Variants in LRRC4C observed in about 807,000 individuals in gnomAD.
LRRC4C encodes leucine rich repeat containing 4C, also known as leucine-rich repeat-containing protein 4C.
A neutral mutation model predicts 33.6 loss-of-function variants in LRRC4C; 5 were observed. The ratio of observed to expected loss-of-function variants is 0.15; its 90% CI spans 0.08 to 0.31. The LOEUF is 0.31. LRRC4C is among the 10% of genes least tolerant of loss of function. The probability of loss-of-function intolerance (pLI) is 1.00; values close to 1 mark genes in which losing one functional copy is unlikely to be tolerated. For missense variants in LRRC4C, 560 were observed against 796.7 expected (o/e 0.70, Z 3.58); for synonymous variants, 329 against 302.0 (o/e 1.09, Z -0.93).
At chr11:40,650,597 C>A (rs1029269473) in intron 2 of LRRC4C, among the ~76,000 whole-genome samples, 1 of 152,048 alleles carries the variant, frequency 6.6e-6, no homozygotes, top group African/African-American at 2.4e-5. Flanking sequence ...ATTGTCAAAC[C>A]CAAATTGTTG....
chr11:41,387,196 G>A (rs1953395177), intron 1 of LRRC4C, among the ~76,000 whole-genome samples: 1 of 125,254 alleles, frequency 8.0e-6, no homozygotes, highest in Admixed American at 8.9e-5. Flanking sequence ...GCAATGAGGA[G>A]ATGATAACTT....
At chr11:41,113,826 A>T (rs1230556609) in intron 1 of LRRC4C, among the ~76,000 whole-genome samples, 1 of 151,958 alleles carries the variant, frequency 6.6e-6, no homozygotes, top group East Asian at 1.9e-4. Context: ...TTTCATGATT[A>T]TCTGTTGGAA....
intron 1 of LRRC4C, among the ~76,000 whole-genome samples, chr11:40,987,327 A>G (rs1853087675): frequency 6.6e-6 from 1 of 152,144 alleles, no homozygotes; most frequent in South Asian, 2.1e-4. Context: ...AAGCAGCTGT[A>G]TTCCTGTTTT....
chr11:40,140,165 G>C (rs184124121), intron 6 of LRRC4C, among the ~76,000 whole-genome samples: 70 of 152,282 alleles, frequency 4.6e-4, no homozygotes, highest in African/African-American at 1.6e-3. Flanking sequence ...TGCCAAGTAG[G>C]TAAGATTAGA....
At chr11:40,343,193 T>A (rs1946952698) in intron 3 of LRRC4C, among the ~76,000 whole-genome samples, 1 of 152,138 alleles carries the variant, frequency 6.6e-6, no homozygotes, top group South Asian at 2.1e-4. Flanking sequence ...TACTTTGACA[T>A]GTTTGCTAAG....
At chr11:40,816,453 G>A (rs908894364) in intron 2 of LRRC4C, among the ~76,000 whole-genome samples, 1 of 152,182 alleles carries the variant, frequency 6.6e-6, no homozygotes, top group African/African-American at 2.4e-5. Context: ...TCTGCCTGAA[G>A]TTTGTCTTTT....
chr11:41,090,275 C>T (rs1940315657), intron 1 of LRRC4C, among the ~76,000 whole-genome samples: 1 of 151,998 alleles, frequency 6.6e-6, no homozygotes, highest in African/African-American at 2.4e-5. Context: ...TAATGAACAA[C>T]ATCTGGAAAA....
At chr11:40,407,492 T>G (rs1450040541) in intron 3 of LRRC4C, among the ~76,000 whole-genome samples, 7 of 152,132 alleles carry the variant, frequency 4.6e-5, no homozygotes. Flanking sequence ...GAAATCTCCC[T>G]GAAAGTCATC....
chr11:40,738,551 TG>T, intron 2 of LRRC4C, among the ~76,000 whole-genome samples: 1 of 152,212 alleles, frequency 6.6e-6, no homozygotes, highest in Non-Finnish European at 1.5e-5. Flanking sequence ...ATCAACTATA[TG>T]CAAATAATAT....
At chr11:40,225,768 C>G (rs924910465) in intron 5 of LRRC4C, among the ~76,000 whole-genome samples, 1 of 152,034 alleles carries the variant, frequency 6.6e-6, no homozygotes, top group South Asian at 2.1e-4. Context: ...AGGTGCCCAC[C>G]ACTACACCCG....
rs192695503 is a variant in LRRC4C at position 41,113,949 on chromosome 11, T to A, written c.-495-180226A>T. Among the ~76,000 whole-genome samples, 8 of 152,172 alleles carry A rather than the reference T, an allele frequency of 5.3e-5. No individual in the cohort carries two copies. In the East Asian group the frequency reaches 1.5e-3, roughly 29 times the overall value. Reference sequence around the variant, plus strand: ...GAGAACACAATATTTAAACATTAGATGAATCTAAATATAATCAGTGTTTAA... The same window carrying A: ...GAGAACACAATATTTAAACATTAGAAGAATCTAAATATAATCAGTGTTTAA... On this transcript the variant is annotated intron_variant, in intron 1 of 6. Coordinates refer to ENST00000528697, the MANE Select transcript of LRRC4C (RefSeq NM_001258419.2).
intron 2 of LRRC4C, among the ~76,000 whole-genome samples, chr11:40,756,174 T>G (rs1948935698): frequency 1.3e-5 from 2 of 152,078 alleles, no homozygotes; most frequent in African/African-American, 4.8e-5. Flanking sequence ...CTGCTGGAAC[T>G]CTGATCTTGG....
Position 41,146,687 on chromosome 11 carries a change from G to A in LRRC4C, c.-495-212964C>T, listed in dbSNP as rs143481280. Among the ~76,000 whole-genome samples the A allele has an allele frequency of 1.6e-3, 243 of 152,298 alleles. 1 individual carries two copies. Among genetic ancestry groups the A allele is most frequent in the African/African-American group, 5.6e-3 (232 of 41,568 alleles). ...CAAAAGAAAAATTTGTCCTTCTGAA[G>A]TGGAGGAGCCAGACATGAAAACAGA... On this transcript the variant is annotated intron_variant, in intron 1 of 6. Transcript: ENST00000528697.
At chr11:40,910,945 A>T (rs1242781200) in intron 2 of LRRC4C, among the ~76,000 whole-genome samples, 1 of 152,210 alleles carries the variant, frequency 6.6e-6, no homozygotes, top group Non-Finnish European at 1.5e-5. Context: ...AGCCTCACTC[A>T]TTGCTAGCAC....
chr11:40,442,909 T>C (rs1951459090), intron 3 of LRRC4C, among the ~76,000 whole-genome samples: 1 of 152,188 alleles, frequency 6.6e-6, no homozygotes, highest in Non-Finnish European at 1.5e-5. Flanking sequence ...AACTCCACTT[T>C]ACAGATGCAA....
chr11:41,231,911 A>G (rs1363919765), intron 1 of LRRC4C, among the ~76,000 whole-genome samples: 2 of 151,824 alleles, frequency 1.3e-5, no homozygotes, highest in Non-Finnish European at 2.9e-5. Context: ...TTCTTTGCCT[A>G]TAGGACAAAG....
chr11:40,409,160 TTAAA>T (rs1473339519), intron 3 of LRRC4C, among the ~76,000 whole-genome samples: 14 of 151,994 alleles, frequency 9.2e-5, no homozygotes, highest in African/African-American at 2.9e-4. Flanking sequence ...AGACATTTTC[TTAAA>T]TAAATAGTTT....
chr11:40,740,019 C>G (rs928050716), intron 2 of LRRC4C, among the ~76,000 whole-genome samples: 1 of 151,426 alleles, frequency 6.6e-6, no homozygotes, highest in Non-Finnish European at 1.5e-5. Context: ...ATGGCATAAT[C>G]TTATATGTGT....
intron 1 of LRRC4C, among the ~76,000 whole-genome samples, chr11:41,307,638 A>G (rs545998035): frequency 9.9e-5 from 15 of 152,254 alleles, no homozygotes; most frequent in African/African-American, 3.6e-4. Flanking sequence ...TCTCATTACC[A>G]AGTGACTTTG....
Sources: gnomAD v4.1 joint callset for allele counts (sites outside exome capture counted in the v4.1 genomes callset) on GRCh38, gnomAD v4.1.1 for gene constraint, MANE v1.5 for transcripts, NCBI Gene and HGNC (gene_info 2026-07-23, HGNC 2026-07-21) for gene names.